LINGO1: variants seen among roughly 807,000 people sequenced by gnomAD.
The protein encoded by LINGO1 is leucine rich repeat and Ig domain containing 1.
In LINGO1, 11 loss-of-function variants were observed where a neutral mutation model predicts 37.3. The ratio of observed to expected loss-of-function variants is 0.29; its 90% CI spans 0.19 to 0.49. LINGO1 has a LOEUF of 0.49. LINGO1 is among the 20% of genes least tolerant of loss of function. The pLI is 0.99. For synonymous variants in LINGO1, 387 were observed against 403.0 expected (o/e 0.96, Z 0.48); for missense variants, 585 against 878.2 (o/e 0.67, Z 4.22).
At chr15:77,686,116 T>G (rs1596107132) in intron 2 of LINGO1, among the ~76,000 whole-genome samples, 1 of 152,048 alleles carries the variant, frequency 6.6e-6, no homozygotes, top group Admixed American at 6.5e-5. Context: ...GAGGGGAAGG[T>G]GAAGGAGGCA....
At chr15:77,706,021 T>A (rs2075848084) in intron 2 of LINGO1, among the ~76,000 whole-genome samples, 1 of 152,190 alleles carries the variant, frequency 6.6e-6, no homozygotes, top group Non-Finnish European at 1.5e-5. Context: ...GGGCCGCACT[T>A]TACCTTTCTA....
chr15:77,655,616 A>C (rs1005790809), intron 3 of LINGO1, among the ~76,000 whole-genome samples: 2 of 152,176 alleles, frequency 1.3e-5, no homozygotes, highest in Non-Finnish European at 2.9e-5. Flanking sequence ...CACTGGCTGC[A>C]CACCACTGGA....
At chr15:77,628,509 T>A (rs1256759569) in intron 1 of LINGO1, among the ~76,000 whole-genome samples, 1 of 152,242 alleles carries the variant, frequency 6.6e-6, no homozygotes, top group African/African-American at 2.4e-5. Flanking sequence ...AAAACTGAAC[T>A]ACTTATATAT....
At chr15:77,817,193 A>G (rs1292978330) in intron 1 of LINGO1, among the ~76,000 whole-genome samples, 2 of 152,166 alleles carry the variant, frequency 1.3e-5, no homozygotes, top group African/African-American at 4.8e-5. Context: ...GGATGACTCC[A>G]GGCTGCCAGC....
intron 2 of LINGO1, among the ~76,000 whole-genome samples, chr15:77,680,531 A>G (rs2075396796): frequency 1.3e-5 from 2 of 152,170 alleles, no homozygotes; most frequent in Admixed American, 1.3e-4. Flanking sequence ...CAAATTCAAG[A>G]GTTCCCTATC....
intron 2 of LINGO1, among the ~76,000 whole-genome samples, chr15:77,712,847 A>G (rs892087726): frequency 4.6e-5 from 7 of 152,122 alleles, no homozygotes; most frequent in Non-Finnish European, 8.8e-5. Flanking sequence ...TAATGGCTCC[A>G]CTTGGACTCT....
intron 1 of LINGO1, among the ~76,000 whole-genome samples, chr15:77,626,966 C>T (rs1237918413): frequency 1.4e-5 from 2 of 140,334 alleles, no homozygotes; most frequent in Admixed American, 1.4e-4. Context: ...CCCCCCAACC[C>T]CCCATCCGCA....
intron 1 of LINGO1, among the ~76,000 whole-genome samples, chr15:77,782,222 C>T (rs1335987900): frequency 7.0e-6 from 1 of 142,638 alleles, no homozygotes; most frequent in Non-Finnish European, 1.6e-5. Context: ...TACACACACA[C>T]ACACACACAC....
At position 77,621,069 on chromosome 15, in the gene LINGO1, C is replaced by T. The variant is rs115717824; in HGVS notation, c.7-5169G>A. Among the ~76,000 whole-genome samples the T allele has an allele frequency of 8.7e-3, 1,098 of 125,832 alleles. 5 individuals carry two copies. Among genetic ancestry groups the T allele is most frequent in the African/African-American group, 0.041 (1,019 of 25,076 alleles). 82.6% of individuals were successfully genotyped at this position (125,832 alleles called of 152,430 possible). A position where few individuals can be genotyped will look rare whatever the true frequency, so the allele number is the denominator to read the frequency against. ...GCCAGGTTTGGGGCCTTTTTTTTTT[C>T]TTTTAGATGGAGTCTCACTGTGTTG... is the stretch of plus-strand genomic sequence containing the variant. On this transcript the variant is annotated intron_variant, in intron 1 of 1. Transcript: ENST00000355300.
upstream of LINGO1, among the ~76,000 whole-genome samples, chr15:77,700,545 C>T (rs2075769130): frequency 6.6e-6 from 1 of 152,284 alleles, no homozygotes; most frequent in Admixed American, 6.5e-5. Context: ...CCTGACCCTC[C>T]TAACTCTTAG....
Position 77,773,044 on chromosome 15 carries a change from G to A in LINGO1, c.-257+13825C>T, listed in dbSNP as rs142413402. 6.6e-5 allele frequency among the ~76,000 whole-genome samples: 10 copies of A among 152,328 alleles called. 1 individual carries two copies. The highest frequency in any genetic ancestry group is 6.8e-3 in the Middle Eastern group (2 of 292). Reference sequence around the variant, plus strand: ...GTGACACCTGGTCGAGAGCCAAGGCGGGTGTCCCCCATGGCAACGGAGAAT... The same window carrying A: ...GTGACACCTGGTCGAGAGCCAAGGCAGGTGTCCCCCATGGCAACGGAGAAT... On this transcript the variant is annotated intron_variant, in intron 1 of 3. Coordinates refer to the LINGO1 transcript ENST00000561686.
chr15:77,816,013 C>T lies in LINGO1; in HGVS notation c.-458+4245G>A, dbSNP rs147701440. 1.4e-3 allele frequency among the ~76,000 whole-genome samples: 219 copies of T among 152,320 alleles called. 1 individual carries two copies. Among genetic ancestry groups the T allele is most frequent in the Non-Finnish European group, 2.0e-3 (133 of 68,032 alleles). Reference sequence around the variant, plus strand: ...TTCCTAGAAAGCCCCCACTCACGTTCGCATTCTCCATTCACTCATTTAGTC... The same window carrying T: ...TTCCTAGAAAGCCCCCACTCACGTTTGCATTCTCCATTCACTCATTTAGTC... On this transcript the variant is annotated intron_variant, in intron 1 of 5. Coordinates refer to the LINGO1 transcript ENST00000562933.
Position 77,613,938 on chromosome 15 carries a change from T to G in LINGO1, c.*106A>C. The stretch of plus-strand genomic sequence containing the variant: ...AGGCGGGAGGGAGAAAGAGAACGTG[T>G]GTAGAAGGGTAGGGAGGAGGTGGGA... On this transcript the variant is annotated 3_prime_UTR_variant, in exon 2 of 2. Coordinates refer to ENST00000355300, the MANE Select transcript of LINGO1 (RefSeq NM_032808.7). The G allele has an allele frequency of 3.3e-6, 3 of 909,546 alleles. No individual in the cohort carries two copies. The highest frequency in any genetic ancestry group is 4.9e-6 in the Non-Finnish European group (3 of 611,270). 56.3% of individuals were successfully genotyped at this position (909,546 alleles called of 1,614,324 possible).
chr15:77,803,943 G>A (rs2076939316), intron 1 of LINGO1, among the ~76,000 whole-genome samples: 1 of 152,168 alleles, frequency 6.6e-6, no homozygotes, highest in Non-Finnish European at 1.5e-5. Context: ...CAGCCCCTAA[G>A]CCACGCACAG....
At chr15:77,756,430 C>T (rs1330975507) in intron 1 of LINGO1, among the ~76,000 whole-genome samples, 1 of 152,136 alleles carries the variant, frequency 6.6e-6, no homozygotes, top group African/African-American at 2.4e-5. Context: ...CACACACTCA[C>T]AAATGTGTTT....
chr15:77,729,126 C>A lies in LINGO1; in HGVS notation c.-195+5866G>T, dbSNP rs112857505. Among the ~76,000 whole-genome samples, 1,364 of 152,332 alleles carry A rather than the reference C, an allele frequency of 9.0e-3. 31 individuals are homozygous for A. The highest frequency in any genetic ancestry group is 0.03 in the African/African-American group (1,262 of 41,570). On this transcript the variant is annotated intron_variant, in intron 2 of 3. Transcript: ENST00000561686. ...CCCAGTTGGCACTAGGAGGGCCCAG[C>A]CGGCACTGGGAGGGAAGCTGGGAAG...
At chr15:77,616,109 A>G (rs2073711436) in intron 1 of LINGO1, among the ~76,000 whole-genome samples, 1 of 152,026 alleles carries the variant, frequency 6.6e-6, no homozygotes, top group South Asian at 2.1e-4. Context: ...AGTCTTCCCA[A>G]AGGACCCTCC....
intron 2 of LINGO1, among the ~76,000 whole-genome samples, chr15:77,682,938 T>TA (rs57893017): frequency 0.012 from 1,757 of 152,130 alleles, 37 homozygotes; most frequent in African/African-American, 0.041. Context: ...CAGACAAAGT[T>TA]AAAAAAGACA....
At chr15:77,818,751 C>T (rs1305751230) in intron 1 of LINGO1, among the ~76,000 whole-genome samples, 1 of 152,096 alleles carries the variant, frequency 6.6e-6, no homozygotes, top group East Asian at 1.9e-4. Context: ...CTGACCCTAG[C>T]GGGGTCATAG....
Sources: allele counts gnomAD v4.1 joint callset (sites outside exome capture counted in the v4.1 genomes callset), GRCh38; gene constraint gnomAD v4.1.1; transcripts MANE v1.5; gene names NCBI Gene and HGNC (gene_info 2026-07-23, HGNC 2026-07-21).